Variants in ITGA6 observed in about 807,000 individuals in gnomAD.
ITGA6 encodes the protein integrin subunit alpha 6, also known as integrin alpha-6.
In ITGA6, 63 loss-of-function variants were observed where a neutral mutation model predicts 133.6. The observed-to-expected ratio is 0.47, with a 90% CI of 0.38 to 0.58. The LOEUF is 0.58. Ranked by LOEUF, ITGA6 falls within the 20% of genes least tolerant of loss-of-function variation. The probability of loss-of-function intolerance (pLI) is 0.00; values close to 1 mark genes in which losing one functional copy is unlikely to be tolerated. For synonymous variants in ITGA6, 434 were observed against 482.0 expected, an observed-to-expected ratio of 0.90 and a Z score of 1.30; for missense variants, 1,068 against 1,309.4, an observed-to-expected ratio of 0.82 and a Z score of 2.85.
chr2:172,437,134 T>C (rs192886530), intron 1 of ITGA6, among the ~76,000 whole-genome samples: 1 of 152,370 alleles, frequency 6.6e-6, no homozygotes, highest in African/African-American at 2.4e-5. Flanking sequence ...TAGGGCCTTA[T>C]GGATCATCGA....
intron 20 of ITGA6, among the ~76,000 whole-genome samples, chr2:172,490,178 A>G (rs1472634221): frequency 1.3e-5 from 2 of 152,180 alleles, no homozygotes; most frequent in African/African-American, 2.4e-5. Context: ...GGATGGTCCT[A>G]TGAGGGCGTT....
chr2:172,461,701 T>A (rs1269675643), intron 1 of ITGA6, among the ~76,000 whole-genome samples: 2 of 152,160 alleles, frequency 1.3e-5, no homozygotes, highest in Non-Finnish European at 2.9e-5. Flanking sequence ...TGGGCCCAGT[T>A]TTTGGCATTT....
Position 172,491,555 on chromosome 2 carries a change from G to A in ITGA6, c.2988+32G>A. The A allele has an allele frequency of 1.4e-6, 2 of 1,406,480 alleles. No homozygotes were observed. The highest frequency in any genetic ancestry group is 2.0e-6 in the Non-Finnish European group (2 of 993,270). 87.1% of individuals were successfully genotyped at this position (1,406,480 alleles called of 1,614,324 possible). ...GGTTCCCCAGCTTCATTCAGGTTCA[G>A]AACATGTCTCTTTTCCCTGTACCCC... On this transcript the variant is annotated intron_variant, in intron 23 of 25. Coordinates refer to ENST00000684293, the MANE Select transcript of ITGA6 (RefSeq NM_000210.4). This position sits in a 1 kb window ranked among gnomAD's most constrained non-coding sequence, Gnocchi z 4.4.
intron 1 of ITGA6, among the ~76,000 whole-genome samples, chr2:172,441,086 T>C (rs1684518549): frequency 2.0e-5 from 3 of 152,230 alleles, no homozygotes; most frequent in Admixed American, 2.0e-4. Context: ...CATGTTAATC[T>C]ATTACCTGGG....
rs200561616 is a variant in ITGA6 at position 172,471,089 on chromosome 2, T to A, written c.759T>A (p.Pro253=). The A allele has an allele frequency of 1.7e-5, 28 of 1,614,250 alleles. No individual in the cohort carries two copies. The highest frequency in any genetic ancestry group is 2.1e-5 in the Non-Finnish European group (25 of 1,180,040). The change falls in exon 5 of 26, where the codon CCT becomes CCA. Residue 253 remains proline (P), a synonymous_variant. Coordinates refer to ENST00000684293, the MANE Select transcript of ITGA6 (RefSeq NM_000210.4). ...TEHDESLVPV[P]ANSYLGFSLD... is the part of the protein sequence containing the mutation. ...ATGATGAAAGTCTCGTTCCTGTTCC[T>A]GCTAACAGTTACTTAGGTAGGAGCA...
intron 24 of ITGA6, among the ~76,000 whole-genome samples, chr2:172,500,769 G>C (rs1271449365): frequency 6.6e-6 from 1 of 152,198 alleles, no homozygotes; most frequent in African/African-American, 2.4e-5. Flanking sequence ...AAATGTTCTG[G>C]AGCTGCAGCA....
chr2:172,480,139 T>A (rs150773991), intron 11 of ITGA6, 88 bp downstream of exon 11: 7 of 773,542 alleles, frequency 9.0e-6, no homozygotes, highest in Non-Finnish European at 1.6e-5. Flanking sequence ...AAAACTGCAG[T>A]GGCCAACATG....
chr2:172,439,030 T>C (rs1196693783), intron 1 of ITGA6, among the ~76,000 whole-genome samples: 1 of 151,884 alleles, frequency 6.6e-6, no homozygotes, highest in Non-Finnish European at 1.5e-5. Context: ...ACAAGACTCA[T>C]TTTAGGTGTG....
chr2:172,491,085 A>C lies in ITGA6; in HGVS notation c.2741A>C (p.Lys914Thr). The C allele has an allele frequency of 6.3e-7, 1 of 1,591,958 alleles. No homozygotes were observed. The highest frequency in any genetic ancestry group is 2.2e-5 in the East Asian group (1 of 44,746). ...ITEKQIDDNR[K>T]FSLFAERKYQ... ...GAAAAACAGATAGATGATAACAGAAAATTTTCTTTATTTGCTGAAAGAAAA... is the reference window on the plus strand; with the variant it reads ...GAAAAACAGATAGATGATAACAGAACATTTTCTTTATTTGCTGAAAGAAAA... The change falls in exon 21 of 26, where the codon AAA (lysine) becomes ACA (threonine). Residue 914 changes from lysine (K) to threonine (T), a missense_variant. Coordinates refer to ENST00000684293, the MANE Select transcript of ITGA6 (RefSeq NM_000210.4). This position sits in a 1 kb window ranked among gnomAD's most constrained non-coding sequence, Gnocchi z 4.4.
chr2:172,476,375 G>A lies in ITGA6; in HGVS notation c.1270-20G>A, dbSNP rs1020934538. The A allele has an allele frequency of 2.5e-5, 31 of 1,256,906 alleles. No homozygotes were observed. Among genetic ancestry groups the A allele is most frequent in the Non-Finnish European group, 3.4e-5 (29 of 854,538 alleles). 77.9% of individuals were successfully genotyped at this position (1,256,906 alleles called of 1,614,324 possible). On this transcript the variant is annotated intron_variant, in intron 8 of 25. Transcript: ENST00000684293. ...CATGGTGATAACCTAATGTCCATTCGGATGCCCTGTGTATTTCAGGTTCTC... is the reference window on the plus strand; with the variant it reads ...CATGGTGATAACCTAATGTCCATTCAGATGCCCTGTGTATTTCAGGTTCTC...
intron 1 of ITGA6, among the ~76,000 whole-genome samples, chr2:172,453,889 A>G (rs750718886): frequency 7.9e-5 from 12 of 152,196 alleles, no homozygotes; most frequent in Non-Finnish European, 1.6e-4. Context: ...AGGTGATGCA[A>G]CAGTGACAAG....
At chr2:172,446,786 T>G (rs554634830) in intron 1 of ITGA6, among the ~76,000 whole-genome samples, 68 of 152,328 alleles carry the variant, frequency 4.5e-4, no homozygotes, top group Non-Finnish European at 8.1e-4. Context: ...TATCAGAACT[T>G]GGACTTTCAT....
intron 23 of ITGA6, among the ~76,000 whole-genome samples, chr2:172,497,557 A>G (rs1002968195): frequency 6.6e-6 from 1 of 152,004 alleles, no homozygotes; most frequent in African/African-American, 2.4e-5. Context: ...GGTTAGATAG[A>G]TAGAACAGAC....
intron 23 of ITGA6, chr2:172,495,257 C>T (rs1302040340): frequency 1.3e-5 from 2 of 152,220 alleles, no homozygotes; most frequent in Admixed American, 6.5e-5. Flanking sequence ...CTTATGGGCA[C>T]ATGGTGGATG....
intron 1 of ITGA6, among the ~76,000 whole-genome samples, chr2:172,434,946 G>A (rs1684253992): frequency 6.6e-6 from 1 of 151,934 alleles, no homozygotes; most frequent in African/African-American, 2.4e-5. Flanking sequence ...CAAGAGCTCT[G>A]TTTGCTTTGC....
chr2:172,490,981 G>T, intron 20 of ITGA6, 43 bp from the exon 21 acceptor site: 1 of 988,904 alleles, frequency 1.0e-6, no homozygotes, highest in South Asian at 1.3e-5. Context: ...TAATGACAAA[G>T]AATTACATAA....
intron 11 of ITGA6, 136 bp from the exon 12 acceptor site, chr2:172,484,646 A>G (rs941026766): frequency 4.0e-6 from 3 of 746,606 alleles, no homozygotes; most frequent in East Asian, 5.3e-5. Context: ...GTGCAAATGC[A>G]TATTACCAGG....
intron 13 of ITGA6, among the ~76,000 whole-genome samples, chr2:172,486,032 C>T (rs1387987587): frequency 6.6e-6 from 1 of 151,862 alleles, no homozygotes; most frequent in Admixed American, 6.6e-5. Context: ...CAAAAGTTAG[C>T]GGGTATGATG....
intron 1 of ITGA6, among the ~76,000 whole-genome samples, chr2:172,442,270 G>A (rs1290497364): frequency 2.0e-5 from 3 of 152,136 alleles, no homozygotes; most frequent in Non-Finnish European, 4.4e-5. Flanking sequence ...AGCTCCTCCC[G>A]GTAGGAAGTG....
Sources: allele counts gnomAD v4.1 joint callset (sites outside exome capture counted in the v4.1 genomes callset), GRCh38; gene constraint gnomAD v4.1.1; non-coding constraint Gnocchi (gnomAD v3.1); transcripts MANE v1.5; gene names NCBI Gene and HGNC (gene_info 2026-07-23, HGNC 2026-07-21).